REPS2: variants seen among roughly 807,000 people sequenced by gnomAD.
The protein encoded by REPS2 is ralBP1-associated Eps domain-containing protein 2.
Under a neutral mutation model 53.6 loss-of-function variants are expected in REPS2, and 23 were observed. The ratio of observed to expected loss-of-function variants is 0.43; its 90% CI spans 0.31 to 0.61. The LOEUF (loss-of-function observed/expected upper bound fraction) is 0.61. REPS2 is among the 20% of genes least tolerant of loss of function. REPS2 has a pLI of 0.11. For synonymous variants in REPS2, 238 were observed against 218.6 expected (o/e 1.09, Z -0.78); for missense variants, 446 against 534.9 (o/e 0.83, Z 1.64).
At chrX:17,112,331 A>G (rs942180989) in intron 14 of REPS2, among the ~76,000 whole-genome samples, 3 of 111,663 alleles carry the variant, frequency 2.7e-5, no homozygotes, top group African/African-American at 9.8e-5. Context: ...TCAAGTAGAC[A>G]GAAGACCAAT....
chrX:17,081,142 A>G (rs2062450363), intron 13 of REPS2, among the ~76,000 whole-genome samples: 1 of 112,490 alleles, frequency 8.9e-6, no homozygotes, highest in Non-Finnish European at 1.9e-5. Flanking sequence ...TGAAAGGGAA[A>G]GATAAAATGA....
the REPS2 span, among the ~76,000 whole-genome samples, chrX:17,159,721 T>C: frequency 4.5e-5 from 5 of 111,529 alleles, no homozygotes; most frequent in African/African-American, 1.6e-4. Context: ...AAATTGACTG[T>C]TGCCTGGTTA....
chrX:17,159,438 C>A, the REPS2 span, among the ~76,000 whole-genome samples: 3 of 111,257 alleles, frequency 2.7e-5, no homozygotes, highest in South Asian at 3.8e-4. Flanking sequence ...CTCTTGTAAC[C>A]CCACTGTTAG....
In REPS2 at chrX:17,022,127, G is replaced by C; in HGVS notation, c.402G>C (p.Leu134Phe). ...PVRIESIKCE[L>F]PLPRFMMSKN... ...CTCTGATTTCTGGTCCCAAAGAATT[G>C]CCTCTGCCTCGCTTTATGATGTCAA... Residue 134 changes from leucine (L) to phenylalanine (F), a missense_variant, in exon 3 of 18, where the codon TTG becomes TTC. By Grantham distance (22) the Leu-to-Phe change is conservative. Coordinates refer to ENST00000357277, the MANE Select transcript of REPS2 (RefSeq NM_004726.3). 2 of 1,201,751 alleles carry C rather than the reference G, an allele frequency of 1.7e-6. No homozygotes were observed. Among genetic ancestry groups the C allele is most frequent in the Non-Finnish European group, 1.1e-6 (1 of 890,132 alleles).
intron 14 of REPS2, among the ~76,000 whole-genome samples, chrX:17,106,474 G>A (rs1341737753): frequency 9.3e-6 from 1 of 107,698 alleles, no homozygotes; most frequent in Non-Finnish European, 1.9e-5. Context: ...AGTGCAGTGG[G>A]GTGATCTCAG....
chrX:16,989,377 A>G (rs2061134186), intron 1 of REPS2, among the ~76,000 whole-genome samples: 1 of 111,787 alleles, frequency 8.9e-6, no homozygotes, highest in Admixed American at 9.5e-5. Context: ...TCAGGATCTA[A>G]GGCTAGGCAG....
intron 13 of REPS2, among the ~76,000 whole-genome samples, chrX:17,080,462 C>G (rs927301370): frequency 9.0e-6 from 1 of 111,104 alleles, no homozygotes; most frequent in Non-Finnish European, 1.9e-5. Flanking sequence ...ATAATATAAA[C>G]GAGGCAGAGG....
At chrX:17,125,895 C>G (rs1204618963) in intron 14 of REPS2, among the ~76,000 whole-genome samples, 2 of 111,711 alleles carry the variant, frequency 1.8e-5, no homozygotes, top group African/African-American at 6.5e-5. Context: ...TCAGAGTGCA[C>G]TAGAACTGAA....
At chrX:16,963,089 A>G (rs2060686196) in intron 1 of REPS2, among the ~76,000 whole-genome samples, 1 of 110,472 alleles carries the variant, frequency 9.1e-6, no homozygotes, top group Non-Finnish European at 1.9e-5. Flanking sequence ...ACAGAGTGAG[A>G]CCCTGTCTCT....
In REPS2 at chrX:17,093,180, AT is replaced by A. The variant is rs1175313837; in HGVS notation, c.1517-10537del. On this transcript the variant is annotated intron_variant, in intron 13 of 17. Coordinates refer to ENST00000357277, the MANE Select transcript of REPS2 (RefSeq NM_004726.3). ...ATGAGTTAATGCTATATATATATAT[AT>A]ATATATATATATATATATAATTTTT... 1.0e-3 allele frequency among the ~76,000 whole-genome samples: 12 copies of A among 11,580 alleles called. 1 individual carries two copies. The South Asian group carries it at 0.029, about 28-fold the overall frequency. The allele number at this position is 11,580 out of a possible 115,157, so 10.1% of individuals were successfully genotyped here.
Position 17,151,849 on chromosome X carries a change from C to A in REPS2, c.*4368C>A, listed in dbSNP as rs1414019615. On this transcript the variant is annotated 3_prime_UTR_variant, in exon 18 of 18. Coordinates refer to ENST00000357277, the MANE Select transcript of REPS2 (RefSeq NM_004726.3). ...TTTCAAAGGATCAGTTGAATTTATACTTTAGTTATGGGTGTTTTGTTACTT... is the reference window on the plus strand; with the variant it reads ...TTTCAAAGGATCAGTTGAATTTATAATTTAGTTATGGGTGTTTTGTTACTT... The A allele has an allele frequency of 3.7e-5, 4 of 109,508 alleles. No individual in the cohort carries two copies. Among genetic ancestry groups the A allele is most frequent in the Non-Finnish European group, 7.6e-5 (4 of 52,666 alleles). 9.0% of individuals were successfully genotyped at this position (109,508 alleles called of 1,213,427 possible).
At chrX:16,985,514 C>A (rs2061080456) in intron 1 of REPS2, among the ~76,000 whole-genome samples, 2 of 112,253 alleles carry the variant, frequency 1.8e-5, no homozygotes, top group East Asian at 5.5e-4. Context: ...ACAGGGATAG[C>A]TTTTCCTGGC....
chrX:17,112,287 GAA>G (rs1218797893), intron 14 of REPS2, among the ~76,000 whole-genome samples: 3 of 111,571 alleles, frequency 2.7e-5, no homozygotes, highest in African/African-American at 9.8e-5. Flanking sequence ...GTTTAAAGAG[GAA>G]AGAGGACTGG....
chrX:17,019,487 T>A (rs2061543205), intron 2 of REPS2, among the ~76,000 whole-genome samples: 2 of 111,795 alleles, frequency 1.8e-5, no homozygotes, highest in Non-Finnish European at 3.8e-5. Context: ...TATTGATTAA[T>A]TTTTTCAAAG....
chrX:17,181,986 CAGG>C, the REPS2 span, among the ~76,000 whole-genome samples: 1 of 111,965 alleles, frequency 8.9e-6, no homozygotes, highest in African/African-American at 3.3e-5. Flanking sequence ...CCCCTATCAA[CAGG>C]AGGAGTCTAT....
At chrX:17,103,326 G>A (rs944537381) in intron 13 of REPS2, among the ~76,000 whole-genome samples, 1 of 111,886 alleles carries the variant, frequency 8.9e-6, no homozygotes, top group African/African-American at 3.3e-5. Context: ...CTAATGAGCA[G>A]TGTAGTGGCT....
At chrX:17,170,165 T>C in the REPS2 span, among the ~76,000 whole-genome samples, 1 of 112,467 alleles carries the variant, frequency 8.9e-6, no homozygotes, top group Non-Finnish European at 1.9e-5. Flanking sequence ...GGAATTTGAG[T>C]TGGGTATTGT....
At chrX:17,050,198 T>TCTTTCTTTCTTTCTTTCTTTCTTTC (rs1185481723) in intron 6 of REPS2, among the ~76,000 whole-genome samples, 1 of 22,962 alleles carries the variant, frequency 4.4e-5, no homozygotes, top group East Asian at 3.1e-3. Flanking sequence ...TTCTTTCTTT[T>TCTTTCTTTCTTTCTTTCTTTCTTTC]TTTTTTTTTT....
At chrX:17,062,964 A>C (rs755323826) in intron 9 of REPS2, among the ~76,000 whole-genome samples, 23 of 111,854 alleles carry the variant, frequency 2.1e-4, no homozygotes, top group Non-Finnish European at 3.2e-4. Context: ...TGAGAACTTT[A>C]TATGAGGGCC....
Sources: allele counts gnomAD v4.1 joint callset (sites outside exome capture counted in the v4.1 genomes callset), GRCh38; gene constraint gnomAD v4.1.1; transcripts MANE v1.5; gene names NCBI Gene and HGNC (gene_info 2026-07-23, HGNC 2026-07-21).